The following ESRRB variants were observed in gnomAD, a reference collection of about 807,000 sequenced individuals.
ESRRB encodes estrogen related receptor beta, also known as steroid hormone receptor ERR2.
In ESRRB, 16 loss-of-function variants were observed where a neutral mutation model predicts 46.0. That is an observed-to-expected ratio of 0.35 (90% CI 0.24 to 0.53). The LOEUF is 0.53. Ranked by LOEUF, ESRRB falls within the 20% of genes least tolerant of loss-of-function variation. The pLI, the probability that ESRRB is intolerant of heterozygous loss-of-function variation, is 0.93. For synonymous variants in ESRRB, 246 were observed against 259.6 expected (o/e 0.95, Z 0.50); for missense variants, 488 against 607.4 (o/e 0.80, Z 2.07).
chr14:76,470,872 G>A (rs1407095998), intron 3 of ESRRB, among the ~76,000 whole-genome samples: 4 of 152,018 alleles, frequency 2.6e-5, no homozygotes, highest in Non-Finnish European at 5.9e-5. Flanking sequence ...AATTTTTTTT[G>A]TAGAGACAAA....
chr14:76,407,570 C>T (rs971827630), intron 1 of ESRRB: 5 of 985,812 alleles, frequency 5.1e-6, no homozygotes, highest in Non-Finnish European at 1.2e-6. Flanking sequence ...GATTTGGGAG[C>T]TGCAGGTCAC....
At chr14:76,422,250 T>C (rs1169008056) in intron 1 of ESRRB, among the ~76,000 whole-genome samples, 1 of 145,698 alleles carries the variant, frequency 6.9e-6, no homozygotes, top group East Asian at 2.1e-4. Context: ...CTCACTCTGT[T>C]GCCAGGCTGG....
At chr14:76,445,145 C>G (rs1888078771) in intron 2 of ESRRB, among the ~76,000 whole-genome samples, 1 of 148,442 alleles carries the variant, frequency 6.7e-6, no homozygotes, top group African/African-American at 2.5e-5. Context: ...TATACTCCAG[C>G]CTGGGCAACA....
At chr14:76,497,451 G>A (rs767384628) in intron 6 of ESRRB, among the ~76,000 whole-genome samples, 11 of 152,148 alleles carry the variant, frequency 7.2e-5, no homozygotes, top group South Asian at 2.1e-4. Flanking sequence ...TAACGTGGCC[G>A]TCAGCAGGTG....
At chr14:76,348,258 T>C (rs1359333751) in intron 1 of ESRRB, among the ~76,000 whole-genome samples, 3 of 152,078 alleles carry the variant, frequency 2.0e-5, no homozygotes, top group Admixed American at 1.3e-4. Context: ...TGATAACCTT[T>C]CCCCCAGGCT....
intron 1 of ESRRB, among the ~76,000 whole-genome samples, chr14:76,357,862 C>T (rs1226583849): frequency 6.6e-6 from 1 of 152,114 alleles, no homozygotes; most frequent in Non-Finnish European, 1.5e-5. Context: ...CAACATGGAA[C>T]AGGGACATTC....
intron 1 of ESRRB, among the ~76,000 whole-genome samples, chr14:76,433,131 C>T (rs1326837337): frequency 6.6e-6 from 1 of 152,114 alleles, no homozygotes; most frequent in Non-Finnish European, 1.5e-5. Context: ...ATTTCTTGGG[C>T]CCTGCCTGTA....
chr14:76,422,495 G>GC (rs1887011192), intron 1 of ESRRB, among the ~76,000 whole-genome samples: 1 of 152,146 alleles, frequency 6.6e-6, no homozygotes, highest in South Asian at 2.1e-4. Context: ...ACAGGCATGA[G>GC]CCACCACACC....
intron 1 of ESRRB, among the ~76,000 whole-genome samples, chr14:76,412,172 C>T (rs61080478): frequency 0.02 from 2,997 of 152,292 alleles, 93 homozygotes; most frequent in African/African-American, 0.069. Context: ...AGACCTCGGA[C>T]TCCGCCCTCA....
chr14:76,401,837 C>T (rs1885959740), intron 1 of ESRRB, among the ~76,000 whole-genome samples: 1 of 152,106 alleles, frequency 6.6e-6, no homozygotes, highest in African/African-American at 2.4e-5. Flanking sequence ...TGTATATATC[C>T]TTTATTTATG....
chr14:76,343,471 C>T (rs777624703), intron 1 of ESRRB, among the ~76,000 whole-genome samples: 9 of 152,238 alleles, frequency 5.9e-5, no homozygotes, highest in Non-Finnish European at 1.2e-4. Context: ...GAAATGTGGG[C>T]AGGGCTTGGG....
intron 1 of ESRRB, among the ~76,000 whole-genome samples, chr14:76,428,399 T>C (rs924100033): frequency 2.0e-5 from 3 of 152,226 alleles, no homozygotes; most frequent in Admixed American, 2.0e-4. Flanking sequence ...AGAACTCCAA[T>C]AGCTACTGAA....
chr14:76,498,835 C>T lies in ESRRB; in HGVS notation c.*377C>T, dbSNP rs1404495037. ...CATGTGCATTTCCTAACTCCCTTGC[C>T]CCCTCCCCCATCTGTGGCCTGGGTG... On this transcript the variant is annotated 3_prime_UTR_variant, in exon 7 of 7. Transcript: ENST00000644823. 1 of 553,386 alleles carries T rather than the reference C, an allele frequency of 1.8e-6. No homozygotes were observed. Among genetic ancestry groups the T allele is most frequent in the Admixed American group, 1.9e-5 (1 of 51,960 alleles). The allele number at this position is 553,386 out of a possible 1,614,324, so 34.3% of individuals were successfully genotyped here.
In ESRRB at chr14:76,441,829, C is replaced by A. The variant is rs536295877; in HGVS notation, c.460+2079C>A. ...GACCAGACAGGAGAACACCCAGGAACCACCCATCCTGCCCCTGCATCAGAT... is the reference window on the plus strand; with the variant it reads ...GACCAGACAGGAGAACACCCAGGAAACACCCATCCTGCCCCTGCATCAGAT... On this transcript the variant is annotated intron_variant, in intron 2 of 6. Transcript: ENST00000644823. Among the ~76,000 whole-genome samples, 4 of 152,336 alleles carry A rather than the reference C, an allele frequency of 2.6e-5. No homozygotes were observed. In the East Asian group the frequency reaches 7.7e-4, roughly 29 times the overall value.
At chr14:76,435,532 A>G (rs2139923533) in intron 1 of ESRRB, among the ~76,000 whole-genome samples, 1 of 152,330 alleles carries the variant, frequency 6.6e-6, no homozygotes, top group Admixed American at 6.5e-5. Context: ...GGCCAAAATA[A>G]TAGTTATGGA....
chr14:76,337,614 A>G (rs1884143060), intron 1 of ESRRB, among the ~76,000 whole-genome samples: 1 of 152,210 alleles, frequency 6.6e-6, no homozygotes, highest in African/African-American at 2.4e-5. Context: ...TTCATCAGCA[A>G]GCTTTCACCT....
At chr14:76,323,826 A>G (rs1883896248) in intron 1 of ESRRB, among the ~76,000 whole-genome samples, 4 of 152,220 alleles carry the variant, frequency 2.6e-5, no homozygotes, top group African/African-American at 7.2e-5. Flanking sequence ...GAGGAGGCCA[A>G]TGCTGTTCTC....
chr14:76,397,877 A>C (rs1233322429), intron 1 of ESRRB, among the ~76,000 whole-genome samples: 2 of 152,272 alleles, frequency 1.3e-5, no homozygotes, highest in Non-Finnish European at 2.9e-5. Flanking sequence ...AGGTATGTGC[A>C]TGCAAAGTTG....
intron 1 of ESRRB, among the ~76,000 whole-genome samples, chr14:76,436,121 G>T (rs1030646112): frequency 2.0e-5 from 3 of 152,220 alleles, no homozygotes; most frequent in Admixed American, 2.0e-4. Context: ...AGGATGCTTT[G>T]CACCCTTCTG....
Sources: gnomAD v4.1 joint callset for allele counts (sites outside exome capture counted in the v4.1 genomes callset) on GRCh38, gnomAD v4.1.1 for gene constraint, MANE v1.5 for transcripts, NCBI Gene and HGNC (gene_info 2026-07-23, HGNC 2026-07-21) for gene names.